The following ADAMTS8 variants were observed in gnomAD, a reference collection of about 807,000 sequenced individuals.
ADAMTS8 encodes the protein A disintegrin and metalloproteinase with thrombospondin motifs 8.
A neutral mutation model predicts 64.4 loss-of-function variants in ADAMTS8; 50 were observed. The ratio of observed to expected loss-of-function variants is 0.78; its 90% confidence interval spans 0.62 to 0.98. The LOEUF (loss-of-function observed/expected upper bound fraction) is 0.98, where lower values mean the gene tolerates loss of function less well. Ranked by LOEUF, ADAMTS8 falls within the 50% of genes least tolerant of loss-of-function variation. The pLI, the probability that ADAMTS8 is intolerant of heterozygous loss-of-function variation, is 0.00. For missense variants in ADAMTS8, 1,192 were observed against 1,208.2 expected, an observed-to-expected ratio of 0.99 and a Z score of 0.20; for synonymous variants, 556 against 533.6, an observed-to-expected ratio of 1.04 and a Z score of -0.58.
chr11:130,428,259 A>G lies in ADAMTS8; in HGVS notation c.28T>C (p.Trp10Arg). 8.3e-7 allele frequency: 1 copy of G among 1,210,792 alleles called. No homozygotes were observed. Among genetic ancestry groups the G allele is most frequent in the Non-Finnish European group, 1.0e-6 (1 of 979,034 alleles). 75.0% of individuals were successfully genotyped at this position (1,210,792 alleles called of 1,614,324 possible). ...AGCAGCAGCAGCAGGAGCGGAGGCC[A>G]CCGGGGGGCGGCGGGGGCGGGGAGC... MLPAPAAPR[W>R]PPLLLLLLLL... is the part of the protein sequence containing the mutation. The change falls in exon 1 of 9, where the codon TGG becomes CGG. Residue 10 changes from tryptophan (W) to arginine (R), a missense_variant. Around this residue, in one of 5 missense-constraint regions of ADAMTS8, gnomAD observed 741 missense variants for 710.6 expected, o/e 1.04. Coordinates refer to ENST00000257359, the MANE Select transcript of ADAMTS8 (RefSeq NM_007037.6).
In ADAMTS8 at chr11:130,427,649, C is replaced by T. The variant is rs1380823081; in HGVS notation, c.638G>A (p.Arg213Gln). The change falls in exon 1 of 9, where the codon CGG becomes CAG. Residue 213 changes from arginine (R) to glutamine (Q), a missense_variant. Physicochemically the swap from Arg to Gln is conservative, Grantham distance 43 (BLOSUM62 1). This residue lies in a region of ADAMTS8 where 741 missense variants were observed against 710.6 expected (regional missense o/e 1.04). Coordinates refer to ENST00000257359, the MANE Select transcript of ADAMTS8 (RefSeq NM_007037.6). ...CACGAAGCGCGCCTCAGACACAAAC[C>T]GCTTGGTCCTACTCGTGGCCCCCAG... The part of the protein sequence containing the change: ...PPLGATSRTK[R>Q]FVSEARFVET... The T allele has an allele frequency of 1.3e-6, 2 of 1,587,616 alleles. No individual in the cohort carries two copies. The highest frequency in any genetic ancestry group is 1.7e-5 in the Admixed American group (1 of 57,482).
chr11:130,412,701 A>G (rs1281083318), intron 5 of ADAMTS8, among the ~76,000 whole-genome samples: 1 of 152,254 alleles, frequency 6.6e-6, no homozygotes, highest in Non-Finnish European at 1.5e-5. Context: ...TCTTTAAAAC[A>G]CCACTACCCA....
rs202087847 is a variant in ADAMTS8, at chr11:130,419,086, C to T, written c.927G>A (p.Glu309=). The part of the protein sequence containing the change: ...RFNQPSDRHP[E]HYDTAILLTR... ...TGAGCAGGATGGCCGTGTCGTAGTG[C>T]TCTGGGTGGCGGTCGCTGGGCTGGT... The change falls in exon 2 of 9, where the codon GAG becomes GAA. Residue 309 remains glutamate (E), a synonymous_variant. Transcript: ENST00000257359. 27 of 1,614,168 alleles carry T rather than the reference C, an allele frequency of 1.7e-5. No individual in the cohort carries two copies. In the African/African-American group the frequency reaches 3.2e-4, roughly 19 times the overall value.
At chr11:130,422,728 T>A (rs989212247) in intron 1 of ADAMTS8, among the ~76,000 whole-genome samples, 6 of 152,314 alleles carry the variant, frequency 3.9e-5, no homozygotes, top group Admixed American at 3.9e-4. Context: ...ACGCTGACGC[T>A]GAACTACAAG....
chr11:130,418,966 C>T (rs1047065346), intron 2 of ADAMTS8, 87 bp downstream of exon 2: 17 of 1,581,442 alleles, frequency 1.1e-5, no homozygotes, highest in East Asian at 2.2e-5. Context: ...AGACGTTTCC[C>T]ATGTTTGGGC....
intron 4 of ADAMTS8, among the ~76,000 whole-genome samples, chr11:130,415,072 C>T (rs756434194): frequency 7.2e-5 from 11 of 152,168 alleles, no homozygotes; most frequent in South Asian, 6.2e-4. Context: ...GCATTGCCCC[C>T]GACATTCTGT....
chr11:130,416,138 G>A lies in ADAMTS8; in HGVS notation c.1264+25C>T, dbSNP rs1452158655. 1 of 1,544,494 alleles carries A rather than the reference G, an allele frequency of 6.5e-7. No individual in the cohort carries two copies. The highest frequency in any genetic ancestry group is 8.7e-7 in the Non-Finnish European group (1 of 1,143,210). The stretch of plus-strand genomic sequence containing the variant: ...AGTGGAAGGAGGCCCACGGGGACAA[G>A]TAGGGCGGGGCCGCCGGTGCCTACC... On this transcript the variant is annotated intron_variant, in intron 4 of 8. Coordinates refer to ENST00000257359, the MANE Select transcript of ADAMTS8 (RefSeq NM_007037.6). The surrounding 1 kb of genome is among the most constrained non-coding windows in gnomAD (Gnocchi z 4.8).
chr11:130,417,570 A>G (rs899117832), intron 2 of ADAMTS8, among the ~76,000 whole-genome samples: 18 of 151,572 alleles, frequency 1.2e-4, no homozygotes, highest in Admixed American at 9.8e-4. Context: ...ATTAAACTTT[A>G]GAGACGAGGT....
At chr11:130,408,713 G>C (rs1189764466) in intron 7 of ADAMTS8, 55 bp downstream of exon 7, 1 of 1,611,908 alleles carries the variant, frequency 6.2e-7, no homozygotes, top group East Asian at 2.2e-5. Context: ...CGGGGGTGTG[G>C]GGACAGGCGA....
chr11:130,427,836 G>T lies in ADAMTS8; in HGVS notation c.451C>A (p.Gln151Lys), dbSNP rs372709739. 1.9e-6 allele frequency: 3 copies of T among 1,545,612 alleles called. No individual in the cohort carries two copies. The highest frequency in any genetic ancestry group is 1.7e-6 in the Non-Finnish European group (2 of 1,148,932). Residue 151 changes from glutamine (Q) to lysine (K), a missense_variant, in exon 1 of 9, where the codon CAG (glutamine) becomes AAG (lysine). Around this residue, in one of 5 missense-constraint regions of ADAMTS8, gnomAD observed 741 missense variants for 710.6 expected, o/e 1.04. Coordinates refer to ENST00000257359, the MANE Select transcript of ADAMTS8 (RefSeq NM_007037.6). ...GGSLAQPHRLQRWGPAGARPL... is the reference protein window; with the variant it reads ...GGSLAQPHRLKRWGPAGARPL... ...CGGGCTCCGGCGGGACCCCAGCGCT[G>T]CAGGCGGTGCGGCTGAGCCAGGGAG...
Position 130,411,426 on chromosome 11 carries a change from G to T in ADAMTS8, c.1741C>A (p.Pro581Thr), listed in dbSNP as rs541897418. 6.2e-7 allele frequency: 1 copy of T among 1,613,840 alleles called. No individual in the cohort carries two copies. Among genetic ancestry groups the T allele is most frequent in the African/African-American group, 1.3e-5 (1 of 74,908 alleles). The change falls in exon 6 of 9, where the codon CCC becomes ACC. Residue 581 changes from proline to threonine, a missense_variant. This residue lies in a region of ADAMTS8 where 290 missense variants were observed against 297.8 expected (regional missense o/e 0.97). Transcript: ENST00000257359. This position sits in a 1 kb window ranked among gnomAD's most constrained non-coding sequence, Gnocchi z 4.2. ...CCTGAGTGGTAATTACCGTCAGGGG[G>T]GCATTCCTCCGTGTGGCATGACTGG... ...KYQSCHTEEC[P>T]PDGKSFREQQ...
intron 1 of ADAMTS8, among the ~76,000 whole-genome samples, chr11:130,424,518 C>T (rs1430888521): frequency 3.9e-5 from 6 of 152,182 alleles, no homozygotes; most frequent in Non-Finnish European, 8.8e-5. Context: ...ACTCTAAGCC[C>T]TAGAGAGGTA....
Position 130,406,671 on chromosome 11 carries a change from G to A in ADAMTS8, c.2100-543C>T, listed in dbSNP as rs190228990. Among the ~76,000 whole-genome samples the A allele has an allele frequency of 6.0e-4, 92 of 152,294 alleles. No individual in the cohort carries two copies. The East Asian group carries it at 0.011, about 18-fold the overall frequency. On this transcript the variant is annotated intron_variant, in intron 8 of 8. Transcript: ENST00000257359. Reference sequence around the variant, plus strand: ...GAATATGGCCCTAGGGTGGGATCAGGGTGGGGTTGGGAGTTGGGGGTTTAA... The same window carrying A: ...GAATATGGCCCTAGGGTGGGATCAGAGTGGGGTTGGGAGTTGGGGGTTTAA...
intron 2 of ADAMTS8, 47 bp from the exon 3 acceptor site, chr11:130,417,122 G>A (rs1400541090): frequency 6.2e-7 from 1 of 1,608,668 alleles, no homozygotes; most frequent in Non-Finnish European, 8.5e-7. Flanking sequence ...GTGTGTGTGG[G>A]GTGCGCTGCA....
rs7942034 is a variant in ADAMTS8 at position 130,428,062 on chromosome 11, T to C, written c.225A>G (p.Leu75=). ...VLRLAPDDSF[L]APEFKIERLG... ...GGCGCTCGATCTTGAACTCGGGCGC[T>C]AGGAAGCTGTCGTCGGGCGCCAGGC... The change falls in exon 1 of 9, where the codon CTA becomes CTG. Residue 75 remains leucine (L), a synonymous_variant. Transcript: ENST00000257359. 0.84 allele frequency: 1,282,506 copies of C among 1,534,152 alleles called. 538,079 individuals carry two copies. The highest frequency in any genetic ancestry group is 0.96 in the African/African-American group (68,170 of 71,250).
At chr11:130,422,263 TA>T (rs976766739) in intron 1 of ADAMTS8, among the ~76,000 whole-genome samples, 13 of 150,828 alleles carry the variant, frequency 8.6e-5, no homozygotes, top group Admixed American at 4.0e-4. Context: ...CTGTCTCTAT[TA>T]AAAAAAAATG....
intron 1 of ADAMTS8, among the ~76,000 whole-genome samples, chr11:130,421,261 C>G (rs144129007): frequency 6.6e-6 from 1 of 152,048 alleles, no homozygotes; most frequent in Admixed American, 6.6e-5. Flanking sequence ...CAGTGAAGAC[C>G]GGAGGAAGGT....
intron 8 of ADAMTS8, among the ~76,000 whole-genome samples, chr11:130,407,190 A>G (rs1364900719): frequency 1.3e-5 from 2 of 152,144 alleles, no homozygotes; most frequent in African/African-American, 2.4e-5. Flanking sequence ...CAACATGACG[A>G]AACCCAGTCT....
rs372575919 is a variant in ADAMTS8 at position 130,408,493 on chromosome 11, C to T, written c.2070G>A (p.Arg690=). 6.2e-7 allele frequency: 1 copy of T among 1,613,934 alleles called. No individual in the cohort carries two copies. The highest frequency in any genetic ancestry group is 1.3e-5 in the African/African-American group (1 of 74,920). ...TGGGGGTGAGGGACCCGGAGACCTT[C>T]CTGCAGGAGTTGCCTTTGCCCCCAC... ...GVCGGKGNSC[R]KVSGSLTPTN... Residue 690 remains arginine (R), a synonymous_variant, in exon 8 of 9, where the codon AGG becomes AGA. Coordinates refer to ENST00000257359, the MANE Select transcript of ADAMTS8 (RefSeq NM_007037.6).
Sources: allele counts gnomAD v4.1 joint callset (sites outside exome capture counted in the v4.1 genomes callset), GRCh38; gene constraint gnomAD v4.1.1; regional missense constraint gnomAD v4.1.1; non-coding constraint Gnocchi (gnomAD v3.1); transcripts MANE v1.5; gene names NCBI Gene and HGNC (gene_info 2026-07-23, HGNC 2026-07-21).